Variants in CFAP47 observed in about 807,000 individuals in gnomAD.
CFAP47 encodes cilia and flagella associated protein 47, also known as cilia- and flagella-associated protein 47.
A neutral mutation model predicts 148.1 loss-of-function variants in CFAP47; 29 were observed. The ratio of observed to expected loss-of-function variants is 0.20; its 90% CI spans 0.15 to 0.27. The LOEUF is 0.27. CFAP47 is among the 10% of genes least tolerant of loss of function. The probability of loss-of-function intolerance (pLI) is 1.00; values close to 1 mark genes in which losing one functional copy is unlikely to be tolerated. For synonymous variants in CFAP47, 664 were observed against 577.3 expected (o/e 1.15, Z -2.15); for missense variants, 1,872 against 1,697.5 (o/e 1.10, Z -1.81).
intron 3 of CFAP47, among the ~76,000 whole-genome samples, chrX:35,942,243 G>A (rs1936021157): frequency 9.0e-6 from 1 of 111,378 alleles, no homozygotes; most frequent in African/African-American, 3.3e-5. Context: ...ATATAAAGTA[G>A]GTCTTAAATC....
intron 42 of CFAP47, among the ~76,000 whole-genome samples, chrX:36,199,801 G>A (rs185923490): frequency 7.2e-4 from 80 of 111,596 alleles, no homozygotes; most frequent in African/African-American, 2.4e-3. Flanking sequence ...TAGCTCAAGG[G>A]GATGTGAAAC....
At chrX:36,291,000 T>A (rs1397743068) in intron 51 of CFAP47, among the ~76,000 whole-genome samples, 1 of 112,452 alleles carries the variant, frequency 8.9e-6, no homozygotes, top group Non-Finnish European at 1.9e-5. Flanking sequence ...CAAGAGTATG[T>A]TGGAAAAAAT....
chrX:36,257,514 T>C (rs1329284426), intron 49 of CFAP47, among the ~76,000 whole-genome samples: 1 of 108,940 alleles, frequency 9.2e-6, no homozygotes, highest in African/African-American at 3.4e-5. Flanking sequence ...AGCTTCGACC[T>C]CCTGGACTCA....
intron 49 of CFAP47, among the ~76,000 whole-genome samples, chrX:36,277,906 A>G (rs1941034793): frequency 8.9e-6 from 1 of 111,884 alleles, no homozygotes; most frequent in African/African-American, 3.3e-5. Context: ...GAGGCTGCAG[A>G]ACAGCAAGTA....
chrX:36,237,232 G>C (rs1258435259), intron 48 of CFAP47, among the ~76,000 whole-genome samples: 1 of 112,584 alleles, frequency 8.9e-6, no homozygotes, highest in Non-Finnish European at 1.9e-5. Context: ...AATTTCAGAA[G>C]TGTAGCCTAT....
At chrX:36,054,582 A>G (rs1200540717) in intron 26 of CFAP47, among the ~76,000 whole-genome samples, 1 of 111,236 alleles carries the variant, frequency 9.0e-6, no homozygotes, top group Non-Finnish European at 1.9e-5. Context: ...ATTTAAATCT[A>G]TTTAACATTT....
intron 51 of CFAP47, among the ~76,000 whole-genome samples, chrX:36,291,734 T>A (rs1170852871): frequency 9.0e-6 from 1 of 111,296 alleles, no homozygotes; most frequent in Admixed American, 9.5e-5. Context: ...ATCTAAGCAC[T>A]GTTTGCTTAA....
intron 57 of CFAP47, among the ~76,000 whole-genome samples, chrX:36,321,313 T>G (rs1313629674): frequency 1.8e-5 from 2 of 110,983 alleles, no homozygotes; most frequent in African/African-American, 6.5e-5. Flanking sequence ...GATCTAAAAA[T>G]AAAACAATTG....
Position 35,976,442 on chromosome X carries a change from C to T in CFAP47, c.2713+529C>T, listed in dbSNP as rs764359471. 6.3e-5 allele frequency among the ~76,000 whole-genome samples: 7 copies of T among 111,733 alleles called. No homozygotes were observed. In the South Asian group the frequency reaches 2.2e-3, roughly 36 times the overall value. On this transcript the variant is annotated intron_variant, in intron 15 of 63. Coordinates refer to ENST00000378653, the MANE Select transcript of CFAP47 (RefSeq NM_001304548.2). ...TGTGATAATTATTATACTATATATG[C>T]ATATCAAATCATTATGTTGTACACC...
intron 33 of CFAP47, among the ~76,000 whole-genome samples, chrX:36,137,005 T>A (rs1279484850): frequency 9.0e-6 from 1 of 111,387 alleles, no homozygotes; most frequent in Non-Finnish European, 1.9e-5. Flanking sequence ...GCTTCTCAGA[T>A]GAAAAAGTAC....
chrX:36,332,040 A>G (rs1941568942), intron 57 of CFAP47, among the ~76,000 whole-genome samples: 1 of 112,072 alleles, frequency 8.9e-6, no homozygotes, highest in Non-Finnish European at 1.9e-5. Flanking sequence ...TTTATGATAA[A>G]CAAATATTAA....
chrX:36,002,487 C>T (rs1372453972), intron 21 of CFAP47, among the ~76,000 whole-genome samples: 1 of 110,871 alleles, frequency 9.0e-6, no homozygotes, highest in Non-Finnish European at 1.9e-5. Flanking sequence ...GAGGCTGAGG[C>T]AGGAGAGTCG....
chrX:35,998,792 T>G (rs937423040), intron 19 of CFAP47, among the ~76,000 whole-genome samples: 1 of 111,800 alleles, frequency 8.9e-6, no homozygotes, highest in African/African-American at 3.2e-5. Flanking sequence ...ATCCAGAGTG[T>G]TTTTTGCATT....
chrX:36,150,066 A>G (rs185071604), intron 37 of CFAP47, among the ~76,000 whole-genome samples: 11 of 111,293 alleles, frequency 9.9e-5, no homozygotes. Flanking sequence ...CTGTGCCCTC[A>G]TAGTCATTGT....
chrX:36,224,618 T>C (rs1053297816), intron 45 of CFAP47, among the ~76,000 whole-genome samples: 4 of 111,725 alleles, frequency 3.6e-5, no homozygotes, highest in African/African-American at 1.3e-4. Flanking sequence ...AATTCTTCTG[T>C]ACTCTATGAA....
chrX:36,105,406 G>GT (rs1316231703), intron 33 of CFAP47, among the ~76,000 whole-genome samples: 1 of 111,706 alleles, frequency 9.0e-6, no homozygotes, highest in East Asian at 2.8e-4. Flanking sequence ...AAAGTAGACT[G>GT]TTTTTTAACA....
chrX:36,312,163 G>T (rs139473820), intron 56 of CFAP47, among the ~76,000 whole-genome samples: 1,993 of 110,666 alleles, frequency 0.018, 22 homozygotes, highest in Non-Finnish European at 0.032. Flanking sequence ...GGGTCTAGGA[G>T]GGTTGGGATC....
intron 61 of CFAP47, among the ~76,000 whole-genome samples, chrX:36,364,724 G>A (rs1333024413): frequency 1.9e-5 from 2 of 107,650 alleles, no homozygotes; most frequent in East Asian, 5.8e-4. Flanking sequence ...GAATTTTACT[G>A]GGATTTGTTC....
Position 36,120,823 on chromosome X carries a change from A to G in CFAP47, c.5320+16132A>G, listed in dbSNP as rs1355740882. On this transcript the variant is annotated intron_variant, in intron 33 of 63. Coordinates refer to ENST00000378653, the MANE Select transcript of CFAP47 (RefSeq NM_001304548.2). ...GAATGATCCATGTGCTGAGGAAAAC[A>G]ATGTGTATTCTGTAGCCTTCAGAGT... 6.3e-5 allele frequency among the ~76,000 whole-genome samples: 7 copies of G among 110,843 alleles called. No individual in the cohort carries two copies. In the South Asian group the frequency reaches 2.7e-3, roughly 42 times the overall value.
Sources: gnomAD v4.1 joint callset for allele counts (sites outside exome capture counted in the v4.1 genomes callset) on GRCh38, gnomAD v4.1.1 for gene constraint, MANE v1.5 for transcripts, NCBI Gene and HGNC (gene_info 2026-07-23, HGNC 2026-07-21) for gene names.